GPAM: variants seen among roughly 807,000 people sequenced by gnomAD.
GPAM encodes glycerol-3-phosphate acyltransferase, mitochondrial, also known as glycerol-3-phosphate acyltransferase 1, mitochondrial.
Under a neutral mutation model 105.0 loss-of-function variants are expected in GPAM, and 56 were observed. The observed-to-expected ratio is 0.53, with a 90% CI of 0.43 to 0.67. GPAM has a LOEUF of 0.67. GPAM is among the 30% of genes least tolerant of loss of function. The pLI is 0.00. For synonymous variants in GPAM, 368 were observed against 354.4 expected (o/e 1.04, Z -0.43); for missense variants, 855 against 989.8 (o/e 0.86, Z 1.83).
rs1050514894 is a variant in GPAM at position 112,160,985 on chromosome 10, A to G, written c.1495-117T>C. The G allele has an allele frequency of 5.9e-6, 5 of 847,558 alleles. No homozygotes were observed. In the African/African-American group the frequency reaches 8.4e-5, roughly 14 times the overall value. 52.5% of individuals were successfully genotyped at this position (847,558 alleles called of 1,614,324 possible). ...GGCTTTCCTGCAGCTCACTGCTAGC[A>G]CATAGAGAAGTAGGGCCAGAACACC... On this transcript the variant is annotated intron_variant, in intron 15 of 21. Coordinates refer to ENST00000348367, the MANE Select transcript of GPAM (RefSeq NM_001244949.2).
intron 4 of GPAM, among the ~76,000 whole-genome samples, chr10:112,178,463 T>C (rs1428897937): frequency 6.6e-6 from 1 of 152,002 alleles, no homozygotes; most frequent in Non-Finnish European, 1.5e-5. Context: ...GGCAGGAGAA[T>C]TGCTTGAACC....
intron 9 of GPAM, 90 bp downstream of exon 9, chr10:112,172,092 C>A: frequency 3.1e-6 from 3 of 976,868 alleles, no homozygotes; most frequent in Non-Finnish European, 4.8e-6. Context: ...GTCATCTTTA[C>A]AATAACATAT....
upstream of GPAM, among the ~76,000 whole-genome samples, chr10:112,184,539 T>A (rs1045816647): frequency 2.0e-5 from 3 of 152,214 alleles, no homozygotes; most frequent in Non-Finnish European, 4.4e-5. Flanking sequence ...TCTAGCCAGC[T>A]AAGATGGAGC....
At chr10:112,204,341 G>A (rs1317921322) in intron 1 of GPAM, among the ~76,000 whole-genome samples, 1 of 151,520 alleles carries the variant, frequency 6.6e-6, no homozygotes, top group Non-Finnish European at 1.5e-5. Flanking sequence ...AGATCTGGGG[G>A]CTCTTCTTGA....
At chr10:112,157,436 C>G in intron 18 of GPAM, 47 bp from the exon 19 acceptor site, 1 of 1,578,258 alleles carries the variant, frequency 6.3e-7, no homozygotes, top group Non-Finnish European at 8.7e-7. Context: ...CACTGGCACA[C>G]AAACAACTGC....
the GPAM span, among the ~76,000 whole-genome samples, chr10:112,226,317 G>A: frequency 8.5e-5 from 13 of 152,294 alleles, no homozygotes; most frequent in South Asian, 6.2e-4. Flanking sequence ...GAAGGTCATC[G>A]TTGTGGAGAG....
In GPAM at chr10:112,153,310, G is replaced by C. The variant is rs1229425070; in HGVS notation, c.*240C>G. The C allele has an allele frequency of 1.7e-5, 23 of 1,379,834 alleles. No individual in the cohort carries two copies. The highest frequency in any genetic ancestry group is 5.6e-4 in the Middle Eastern group (2 of 3,574). The allele number at this position is 1,379,834 out of a possible 1,614,324, so 85.5% of individuals were successfully genotyped here. A position where few individuals can be genotyped will look rare whatever the true frequency, so the allele number is the denominator to read the frequency against. ...TTGAGATTTCATCTTGTAGTCTACGGATTATGAGTTGCGAATAGAGGCTGA... is the reference window on the plus strand; with the variant it reads ...TTGAGATTTCATCTTGTAGTCTACGCATTATGAGTTGCGAATAGAGGCTGA... On this transcript the variant is annotated 3_prime_UTR_variant, in exon 22 of 22. Coordinates refer to ENST00000348367, the MANE Select transcript of GPAM (RefSeq NM_001244949.2).
In GPAM at chr10:112,152,900, G is replaced by A. The variant is rs956528745; in HGVS notation, c.*650C>T. On this transcript the variant is annotated 3_prime_UTR_variant, in exon 22 of 22. Coordinates refer to ENST00000348367, the MANE Select transcript of GPAM (RefSeq NM_001244949.2). ...ATTTGATTACAATATCTCAGTTCCC[G>A]ACCTAAACTAATATTGTCTGTTTTC... 8 of 190,332 alleles carry A rather than the reference G, an allele frequency of 4.2e-5. No homozygotes were observed. The South Asian group carries it at 7.2e-4, about 17-fold the overall frequency. 11.8% of individuals were successfully genotyped at this position (190,332 alleles called of 1,614,324 possible). A position where few individuals can be genotyped will look rare whatever the true frequency, so the allele number is the denominator to read the frequency against.
chr10:112,176,417 T>C (rs890195015), intron 5 of GPAM, among the ~76,000 whole-genome samples: 1 of 152,242 alleles, frequency 6.6e-6, no homozygotes, highest in Non-Finnish European at 1.5e-5. Context: ...GCTTTCATTA[T>C]GTAATACTTT....
chr10:112,182,744 A>G (rs899351415), intron 2 of GPAM, 50 bp downstream of exon 2: 5 of 152,252 alleles, frequency 3.3e-5, no homozygotes, highest in African/African-American at 4.8e-5. Context: ...AAAATTTAAC[A>G]TAAGTACAAT....
At chr10:112,190,646 C>T (rs1847646277) in intron 1 of GPAM, among the ~76,000 whole-genome samples, 1 of 152,104 alleles carries the variant, frequency 6.6e-6, no homozygotes, top group African/African-American at 2.4e-5. Context: ...ATAGACTCAG[C>T]TTTAAATAAG....
chr10:112,210,482 C>CTAAG (rs1847899183), intron 1 of GPAM, among the ~76,000 whole-genome samples: 1 of 152,190 alleles, frequency 6.6e-6, no homozygotes, highest in African/African-American at 2.4e-5. Context: ...GGAGGTCTCA[C>CTAAG]TAAGCCCCAT....
intron 20 of GPAM, chr10:112,155,020 G>A (rs1846990138): frequency 2.5e-6 from 1 of 403,002 alleles, no homozygotes; most frequent in Admixed American, 3.7e-5. Flanking sequence ...AGAATCAAAT[G>A]AGATAGTGTA....
At position 112,157,240 on chromosome 10, in the gene GPAM, C is replaced by T; in HGVS notation, c.2121+9G>A. 6.2e-7 allele frequency: 1 copy of T among 1,612,242 alleles called. No homozygotes were observed. Among genetic ancestry groups the T allele is most frequent in the South Asian group, 1.1e-5 (1 of 91,020 alleles). On this transcript the variant is annotated intron_variant, in intron 19 of 21. Coordinates refer to ENST00000348367, the MANE Select transcript of GPAM (RefSeq NM_001244949.2). ...CTGTAATATCCACCAGAATTCTTCA[C>T]CCAAGTACCTTCAGGTAGCAATCTC...
At chr10:112,220,883 C>T in the GPAM span, among the ~76,000 whole-genome samples, 1 of 151,772 alleles carries the variant, frequency 6.6e-6, no homozygotes, top group Non-Finnish European at 1.5e-5. Context: ...CACACACACA[C>T]GTCAACTTAC....
intron 1 of GPAM, among the ~76,000 whole-genome samples, chr10:112,191,324 A>C (rs1847655799): frequency 6.6e-6 from 1 of 152,156 alleles, no homozygotes; most frequent in Admixed American, 6.5e-5. Context: ...ATCTCCCACC[A>C]GATAGGGTAC....
chr10:112,194,826 A>G (rs559498453), intron 1 of GPAM, among the ~76,000 whole-genome samples: 1 of 151,908 alleles, frequency 6.6e-6, no homozygotes, highest in South Asian at 2.1e-4. Context: ...TTGCTGGCTC[A>G]AGTCCTTCCT....
At chr10:112,176,750 G>C (rs141304956) in intron 5 of GPAM, among the ~76,000 whole-genome samples, 1 of 152,216 alleles carries the variant, frequency 6.6e-6, no homozygotes, top group Non-Finnish European at 1.5e-5. Flanking sequence ...CATTGTGTGT[G>C]TGTGCGCACA....
chr10:112,201,646 C>A (rs1847798050), intron 1 of GPAM, among the ~76,000 whole-genome samples: 1 of 152,206 alleles, frequency 6.6e-6, no homozygotes, highest in Non-Finnish European at 1.5e-5. Flanking sequence ...ACTTGGCTAG[C>A]AACTTTCTGT....
Sources: allele counts gnomAD v4.1 joint callset (sites outside exome capture counted in the v4.1 genomes callset), GRCh38; gene constraint gnomAD v4.1.1; transcripts MANE v1.5; gene names NCBI Gene and HGNC (gene_info 2026-07-23, HGNC 2026-07-21).